The following ABCC11 variants were observed in gnomAD, a reference collection of about 807,000 sequenced individuals.
ABCC11 encodes the protein ATP binding cassette subfamily C member 11.
A neutral mutation model predicts 149.3 loss-of-function variants in ABCC11; 135 were observed. That is an observed-to-expected ratio of 0.90 (90% confidence interval 0.79 to 1.04). The LOEUF (loss-of-function observed/expected upper bound fraction) is 1.04. Ranked by LOEUF, ABCC11 falls within the 50% of genes least tolerant of loss-of-function variation. The pLI, the probability that ABCC11 is intolerant of heterozygous loss-of-function variation, is 0.00. For synonymous variants in ABCC11, 665 were observed against 671.4 expected, an observed-to-expected ratio of 0.99 and a Z score of 0.15; for missense variants, 1,680 against 1,722.1, an observed-to-expected ratio of 0.98 and a Z score of 0.43.
chr16:48,205,955 C>A (rs755476476), intron 12 of ABCC11, among the ~76,000 whole-genome samples: 1 of 152,120 alleles, frequency 6.6e-6, no homozygotes, highest in Non-Finnish European at 1.5e-5. Context: ...GGACTACTGG[C>A]GCCTGCCACC....
chr16:48,233,276 T>A (rs561328429), intron 1 of ABCC11, among the ~76,000 whole-genome samples: 1 of 152,324 alleles, frequency 6.6e-6, no homozygotes, highest in South Asian at 2.1e-4. Context: ...ACCCATTACT[T>A]TGTGAGAAGT....
intron 23 of ABCC11, among the ~76,000 whole-genome samples, chr16:48,179,858 C>G (rs1402517153): frequency 6.6e-6 from 1 of 152,174 alleles, no homozygotes; most frequent in Non-Finnish European, 1.5e-5. Context: ...TATGTAAGCC[C>G]TGAAAGCAGC....
At chr16:48,219,724 T>C (rs912979024) in intron 6 of ABCC11, among the ~76,000 whole-genome samples, 4 of 152,272 alleles carry the variant, frequency 2.6e-5, no homozygotes, top group African/African-American at 9.6e-5. Context: ...CTCATGCCTG[T>C]AATCCCAGCA....
At chr16:48,182,596 A>G (rs143115225) in intron 23 of ABCC11, among the ~76,000 whole-genome samples, 1,673 of 152,118 alleles carry the variant, frequency 0.011, 30 homozygotes, top group African/African-American at 0.039. Context: ...TGGCTAACAC[A>G]GTGAAATCCC....
intron 5 of ABCC11, 152 bp downstream of exon 5, chr16:48,224,130 T>C: frequency 1.9e-6 from 2 of 1,029,516 alleles, no homozygotes; most frequent in Non-Finnish European, 2.8e-6. Context: ...ACCACCATGC[T>C]CTACTGTCCT....
Position 48,178,594 on chromosome 16 carries a change from C to T in ABCC11, c.3348+3G>A, listed in dbSNP as rs1241722450. ...CCACACCAGACCCAGACCTGAACCCCACCTTCATGTACTGCAGTATCCTCT... is the reference window on the plus strand; with the variant it reads ...CCACACCAGACCCAGACCTGAACCCTACCTTCATGTACTGCAGTATCCTCT... On this transcript the variant is annotated splice_donor_region_variant and intron_variant, in intron 24 of 29. Transcript: ENST00000356608. The T allele has an allele frequency of 1.2e-6, 2 of 1,613,950 alleles. No individual in the cohort carries two copies. Among genetic ancestry groups the T allele is most frequent in the African/African-American group, 1.3e-5 (1 of 74,928 alleles).
intron 6 of ABCC11, among the ~76,000 whole-genome samples, chr16:48,218,879 C>T (rs998639209): frequency 4.6e-5 from 7 of 152,056 alleles, no homozygotes; most frequent in African/African-American, 9.7e-5. Context: ...TTATCAGCAG[C>T]GTGAAAATGG....
At position 48,190,032 on chromosome 16, in the gene ABCC11, C is replaced by T. The variant is rs1282093091; in HGVS notation, c.2706+2488G>A. ...GTCTTGAGCTGGCTAAATCTGATTC[C>T]TCCTTCAAGGAGTGAAGTCCCCAAG... On this transcript the variant is annotated intron_variant, in intron 20 of 29. Coordinates refer to ENST00000356608, the MANE Select transcript of ABCC11 (RefSeq NM_001370497.1). 3.3e-5 allele frequency among the ~76,000 whole-genome samples: 5 copies of T among 152,112 alleles called. 1 individual carries two copies. Among genetic ancestry groups the T allele is most frequent in the Admixed American group, 2.6e-4 (4 of 15,278 alleles).
rs764174293 is a variant in ABCC11 at position 48,222,880 on chromosome 16, G to C, written c.544-49C>G. ...TCATTCAGACCACCCTGCCAGACAC[G>C]TTTGATGTTTTGTTGCTGGAAGAAG... is the stretch of plus-strand genomic sequence containing the variant. On this transcript the variant is annotated intron_variant, in intron 5 of 29. Transcript: ENST00000356608. 7.4e-6 allele frequency: 11 copies of C among 1,481,264 alleles called. No individual in the cohort carries two copies. The South Asian group carries it at 9.7e-5, about 13-fold the overall frequency. 91.8% of individuals were successfully genotyped at this position (1,481,264 alleles called of 1,614,324 possible).
In ABCC11 at chr16:48,193,970, G is replaced by A; in HGVS notation, c.2417C>T (p.Ser806Phe). Residue 806 changes from serine (S) to phenylalanine (F), a missense_variant, in exon 19 of 30, where the codon TCT becomes TTT. Physicochemically the swap from Ser to Phe is radical, Grantham distance 155. Transcript: ENST00000356608. ...YIQAAGGYMV[S>F]CIIFFFVVLI... ...CACCACGAAGAAGAAAATTATGCAA[G>A]AGACCATGTAACCTGGGAGGGAGAC... The A allele has an allele frequency of 6.2e-7, 1 of 1,612,730 alleles. No homozygotes were observed. Among genetic ancestry groups the A allele is most frequent in the South Asian group, 1.1e-5 (1 of 90,990 alleles).
chr16:48,222,081 A>ATTTC (rs1969781184), intron 6 of ABCC11, among the ~76,000 whole-genome samples: 1 of 137,878 alleles, frequency 7.3e-6, no homozygotes, highest in African/African-American at 2.7e-5. Context: ...AGCCCAGCTA[A>ATTTC]TTTTTTTTTT....
chr16:48,207,319 G>A (rs1968531852), intron 12 of ABCC11, among the ~76,000 whole-genome samples: 1 of 152,134 alleles, frequency 6.6e-6, no homozygotes, highest in African/African-American at 2.4e-5. Context: ...TTCGTTATAA[G>A]GTGTGCAGTG....
In ABCC11 at chr16:48,211,113, C is replaced by A. The variant is rs567749616; in HGVS notation, c.1443G>T (p.Leu481Phe). 1.2e-6 allele frequency: 2 copies of A among 1,614,214 alleles called. No individual in the cohort carries two copies. The highest frequency in any genetic ancestry group is 1.3e-5 in the African/African-American group (1 of 75,054). The change falls in exon 11 of 30, where the codon TTG becomes TTT. Residue 481 changes from leucine (L) to phenylalanine (F), a missense_variant. By Grantham distance (22) the Leu-to-Phe change is conservative (BLOSUM62 0). Coordinates refer to ENST00000356608, the MANE Select transcript of ABCC11 (RefSeq NM_001370497.1). ...TCCCGGGACAGGTCTGTTGCCATGA[C>A]AAGGTGGCCTCCTCAAAGACCAGAG... is the stretch of plus-strand genomic sequence containing the variant. The part of the protein sequence containing the change: ...SKALVFEEAT[L>F]SWQQTCPGIV...
chr16:48,170,039 G>C, intron 28 of ABCC11, 66 bp downstream of exon 28: 3 of 1,298,036 alleles, frequency 2.3e-6, no homozygotes, highest in East Asian at 2.3e-5. Context: ...AGAGGGAGCC[G>C]GTGTGGCTTC....
intron 22 of ABCC11, 30 bp downstream of exon 22, chr16:48,186,923 T>C (rs754089651): frequency 2.5e-6 from 4 of 1,613,082 alleles, no homozygotes; most frequent in Non-Finnish European, 3.4e-6. Context: ...TGTGGTTCCA[T>C]CATTCTCAAA....
chr16:48,247,367 C>G lies in ABCC11; in HGVS notation c.-72G>C, dbSNP rs1307863185. The G allele has an allele frequency of 3.3e-5, 5 of 152,508 alleles. No homozygotes were observed. Among genetic ancestry groups the G allele is most frequent in the African/African-American group, 1.2e-4 (5 of 41,496 alleles). The allele number at this position is 152,508 out of a possible 1,614,324, so 9.4% of individuals were successfully genotyped here. On this transcript the variant is annotated 5_prime_UTR_variant, in exon 1 of 30. Transcript: ENST00000356608. ...CAGAAGAGGGGCTCTGTTCCTTTCT[C>G]TTGTTTCCTTTGCGCTATCCAGGTG... is the stretch of plus-strand genomic sequence containing the variant.
At chr16:48,188,333 G>T (rs767853453) in intron 20 of ABCC11, among the ~76,000 whole-genome samples, 15 of 152,184 alleles carry the variant, frequency 9.9e-5, no homozygotes, top group South Asian at 2.1e-4. Flanking sequence ...CCAGTCTGGG[G>T]TTTACCTGCC....
chr16:48,199,069 G>A (rs1424899510), intron 15 of ABCC11, among the ~76,000 whole-genome samples: 1 of 150,920 alleles, frequency 6.6e-6, no homozygotes, highest in African/African-American at 2.4e-5. Context: ...TATATATAAA[G>A]TTACAAGTAT....
intron 20 of ABCC11, among the ~76,000 whole-genome samples, chr16:48,190,342 T>C (rs1438131043): frequency 2.0e-5 from 3 of 151,796 alleles, no homozygotes; most frequent in Non-Finnish European, 4.4e-5. Context: ...CAAGAAGCAG[T>C]GTGATACCAT....
Sources: allele counts gnomAD v4.1 joint callset (sites outside exome capture counted in the v4.1 genomes callset), GRCh38; gene constraint gnomAD v4.1.1; transcripts MANE v1.5; gene names NCBI Gene and HGNC (gene_info 2026-07-23, HGNC 2026-07-21).